FNDC3B: variants seen among roughly 807,000 people sequenced by gnomAD.
FNDC3B encodes the protein fibronectin type III domain-containing protein 3B.
In FNDC3B, 12 loss-of-function variants were observed where a neutral mutation model predicts 151.5. That is an observed-to-expected ratio of 0.08 (90% CI 0.05 to 0.13). The LOEUF (loss-of-function observed/expected upper bound fraction) is 0.13, where lower values mean the gene tolerates loss of function less well. FNDC3B is among the 10% of genes least tolerant of loss of function. FNDC3B has a pLI of 1.00. For synonymous variants in FNDC3B, 528 were observed against 549.0 expected (o/e 0.96, Z 0.54); for missense variants, 1,214 against 1,505.3 (o/e 0.81, Z 3.20).
At chr3:172,176,152 G>A (rs936479104) in intron 3 of FNDC3B, among the ~76,000 whole-genome samples, 8 of 152,150 alleles carry the variant, frequency 5.3e-5, no homozygotes, top group Non-Finnish European at 1.2e-4. Flanking sequence ...TCTGAAGTAC[G>A]CATGCATTGA....
At chr3:172,245,456 T>C (rs543957884) in intron 4 of FNDC3B, among the ~76,000 whole-genome samples, 10 of 152,234 alleles carry the variant, frequency 6.6e-5, no homozygotes, top group African/African-American at 2.4e-4. Context: ...ATCTGGAATA[T>C]GCCTTTTTTT....
intron 25 of FNDC3B, among the ~76,000 whole-genome samples, chr3:172,393,168 C>A (rs1309552107): frequency 6.6e-6 from 1 of 151,978 alleles, no homozygotes; most frequent in Non-Finnish European, 1.5e-5. Context: ...TAAGGACACC[C>A]ATAGACTGAA....
intron 23 of FNDC3B, among the ~76,000 whole-genome samples, chr3:172,375,415 T>G (rs907239648): frequency 2.0e-5 from 3 of 152,188 alleles, no homozygotes; most frequent in Admixed American, 2.0e-4. Flanking sequence ...GCTCTTAGGA[T>G]TCCTTATGTC....
rs572699148 is a variant in FNDC3B at position 172,129,465 on chromosome 3, ACAGAGTTAGGT to A, written c.112-4005_112-3995del. On this transcript the variant is annotated intron_variant, in intron 2 of 25. Coordinates refer to ENST00000415807, the MANE Select transcript of FNDC3B (RefSeq NM_022763.4). The stretch of plus-strand genomic sequence containing the variant: ...CTTTTCCTCTTTTAATGAGTATAAA[ACAGAGTTAGGT>A]TTAGATTTATACCTGTAAAGGAAAG... 3.3e-5 allele frequency among the ~76,000 whole-genome samples: 5 copies of A among 152,342 alleles called. No homozygotes were observed. The South Asian group carries it at 1.0e-3, about 32-fold the overall frequency.
intron 3 of FNDC3B, among the ~76,000 whole-genome samples, chr3:172,190,512 T>C (rs2108670241): frequency 6.6e-6 from 1 of 152,286 alleles, no homozygotes. Context: ...AATTTTCAAA[T>C]TTTGCCCTTG....
At chr3:172,120,772 C>T (rs1199852854) in intron 2 of FNDC3B, among the ~76,000 whole-genome samples, 3 of 152,044 alleles carry the variant, frequency 2.0e-5, no homozygotes, top group Non-Finnish European at 4.4e-5. Flanking sequence ...GTCTAGAGTT[C>T]AAGACCAGCC....
chr3:172,350,255 A>G (rs1174887596), intron 21 of FNDC3B, among the ~76,000 whole-genome samples: 1 of 152,234 alleles, frequency 6.6e-6, no homozygotes, highest in Non-Finnish European at 1.5e-5. Flanking sequence ...ATTAGGCATT[A>G]CTGTCCCCAT....
At chr3:172,081,174 G>A (rs999015832) in intron 1 of FNDC3B, among the ~76,000 whole-genome samples, 37 of 152,200 alleles carry the variant, frequency 2.4e-4, no homozygotes, top group Admixed American at 1.3e-3. Flanking sequence ...GTTTACAGAT[G>A]TAAGAACTGA....
At chr3:172,282,288 A>G (rs1729773541) in intron 6 of FNDC3B, among the ~76,000 whole-genome samples, 1 of 151,992 alleles carries the variant, frequency 6.6e-6, no homozygotes, top group Admixed American at 6.6e-5. Flanking sequence ...ATGGAAAAGC[A>G]TTACATTAAA....
At chr3:172,319,300 C>T (rs763972382) in intron 11 of FNDC3B, among the ~76,000 whole-genome samples, 12 of 152,162 alleles carry the variant, frequency 7.9e-5, no homozygotes, top group Non-Finnish European at 1.8e-4. Context: ...TGAAATTAGG[C>T]CCTCGGCTCC....
chr3:172,083,022 G>C (rs1319787792), intron 1 of FNDC3B, among the ~76,000 whole-genome samples: 1 of 152,152 alleles, frequency 6.6e-6, no homozygotes, highest in Non-Finnish European at 1.5e-5. Flanking sequence ...ATGCTGTTAG[G>C]GTTAGAATGT....
At chr3:172,305,230 C>A (rs575443436) in intron 9 of FNDC3B, among the ~76,000 whole-genome samples, 4 of 152,156 alleles carry the variant, frequency 2.6e-5, no homozygotes, top group Non-Finnish European at 5.9e-5. Flanking sequence ...TCTTCACAAT[C>A]CCGGGACTGT....
Position 172,219,606 on chromosome 3 carries a change from C to T in FNDC3B, c.188-7265C>T, listed in dbSNP as rs533606533. The stretch of plus-strand genomic sequence containing the variant: ...CTGTACCCATTGAGCGGATGCTCCT[C>T]AGTCCTGCAAACCTTCCACCCACCC... On this transcript the variant is annotated intron_variant, in intron 3 of 25. Coordinates refer to ENST00000415807, the MANE Select transcript of FNDC3B (RefSeq NM_022763.4). 6.6e-5 allele frequency among the ~76,000 whole-genome samples: 10 copies of T among 152,352 alleles called. No individual in the cohort carries two copies. In the South Asian group the frequency reaches 1.9e-3, roughly 28 times the overall value.
At chr3:172,196,789 A>G (rs1008528394) in intron 3 of FNDC3B, among the ~76,000 whole-genome samples, 1 of 152,154 alleles carries the variant, frequency 6.6e-6, no homozygotes, top group East Asian at 1.9e-4. Flanking sequence ...TTCTTGTCCA[A>G]AGAAGACAGC....
At chr3:172,074,638 C>T (rs539264921) in intron 1 of FNDC3B, among the ~76,000 whole-genome samples, 2 of 152,198 alleles carry the variant, frequency 1.3e-5, no homozygotes, top group African/African-American at 4.8e-5. Context: ...TATTTTATAG[C>T]ATGGGTTATA....
At chr3:172,354,036 A>T (rs1045995839) in intron 22 of FNDC3B, among the ~76,000 whole-genome samples, 1 of 151,986 alleles carries the variant, frequency 6.6e-6, no homozygotes, top group Non-Finnish European at 1.5e-5. Flanking sequence ...TACTTGAGGT[A>T]AAAATAATTC....
rs547888345 is a variant in FNDC3B at position 172,354,956 on chromosome 3, T to A, written c.2795+1873T>A. Among the ~76,000 whole-genome samples, 332 of 152,018 alleles carry A rather than the reference T, an allele frequency of 2.2e-3. 2 individuals are homozygous for A. Among genetic ancestry groups the A allele is most frequent in the African/African-American group, 7.3e-3 (303 of 41,468 alleles). The stretch of plus-strand genomic sequence containing the variant: ...TCTCTGTGTTGCCAGGACAGGGTTG[T>A]ACACCTCTCTAGTAAATGTACTAAT... On this transcript the variant is annotated intron_variant, in intron 22 of 25. Transcript: ENST00000415807.
chr3:172,305,481 T>C (rs1362189152), intron 9 of FNDC3B, among the ~76,000 whole-genome samples: 1 of 152,230 alleles, frequency 6.6e-6, no homozygotes. Context: ...CTTAATATTG[T>C]TCTCCTGTCC....
intron 21 of FNDC3B, among the ~76,000 whole-genome samples, chr3:172,348,662 T>C (rs1733718385): frequency 6.6e-6 from 1 of 152,200 alleles, no homozygotes; most frequent in African/African-American, 2.4e-5. Flanking sequence ...TCTTTCAGAG[T>C]CTATGTTGTC....
Sources: gnomAD v4.1 joint callset for allele counts (sites outside exome capture counted in the v4.1 genomes callset) on GRCh38, gnomAD v4.1.1 for gene constraint, MANE v1.5 for transcripts, NCBI Gene and HGNC (gene_info 2026-07-23, HGNC 2026-07-21) for gene names.